Variants in MAML3 observed in about 807,000 individuals in gnomAD.
The protein encoded by MAML3 is mastermind-like protein 3.
Under a neutral mutation model 101.9 loss-of-function variants are expected in MAML3, and 27 were observed. That is an observed-to-expected ratio of 0.27 (90% CI 0.20 to 0.37). MAML3 has a LOEUF of 0.37. Among genes scored for constraint, MAML3 ranks in the 10% least tolerant of loss-of-function variants. The pLI, the probability that MAML3 is intolerant of heterozygous loss-of-function variation, is 1.00. For missense variants in MAML3, 1,316 were observed against 1,444.9 expected (o/e 0.91, Z 1.45); for synonymous variants, 501 against 555.9 (o/e 0.90, Z 1.39).
intron 2 of MAML3, among the ~76,000 whole-genome samples, chr4:139,816,348 T>C (rs890798559): frequency 6.6e-6 from 1 of 152,188 alleles, no homozygotes; most frequent in African/African-American, 2.4e-5. Flanking sequence ...CTGAAATCGA[T>C]GAGCAGCAGT....
chr4:139,751,106 G>C (rs992728461), intron 2 of MAML3, among the ~76,000 whole-genome samples: 1 of 152,218 alleles, frequency 6.6e-6, no homozygotes, highest in African/African-American at 2.4e-5. Context: ...GAAAGATGGG[G>C]TGAGTAGTCA....
chr4:139,723,131 T>C (rs1172095817), intron 4 of MAML3, among the ~76,000 whole-genome samples: 2 of 152,238 alleles, frequency 1.3e-5, no homozygotes, highest in Non-Finnish European at 1.5e-5. Flanking sequence ...AATAATTTGC[T>C]TCTGAAGTAT....
chr4:139,999,209 G>A (rs1227076487), intron 1 of MAML3, among the ~76,000 whole-genome samples: 1 of 152,096 alleles, frequency 6.6e-6, no homozygotes, highest in Non-Finnish European at 1.5e-5. Flanking sequence ...GGAAAATAGA[G>A]CCCACTGGCC....
At chr4:139,831,687 A>G (rs1731165274) in intron 2 of MAML3, among the ~76,000 whole-genome samples, 1 of 152,118 alleles carries the variant, frequency 6.6e-6, no homozygotes, top group Admixed American at 6.5e-5. Flanking sequence ...TGAGTACCCA[A>G]AGCCAAGATC....
chr4:140,110,660 A>G (rs1023566656), intron 1 of MAML3, among the ~76,000 whole-genome samples: 2 of 151,820 alleles, frequency 1.3e-5, no homozygotes, highest in South Asian at 2.1e-4. Context: ...TCAAAGTCAC[A>G]TGGACTTGAA....
intron 1 of MAML3, among the ~76,000 whole-genome samples, chr4:139,922,278 C>T (rs996162388): frequency 6.6e-6 from 1 of 152,076 alleles, no homozygotes; most frequent in African/African-American, 2.4e-5. Context: ...TTCTTAACAC[C>T]CTCCACCTTC....
chr4:139,891,832 C>G (rs1382552819), intron 1 of MAML3, among the ~76,000 whole-genome samples: 1 of 152,188 alleles, frequency 6.6e-6, no homozygotes, highest in Non-Finnish European at 1.5e-5. Flanking sequence ...TTTTGATAGG[C>G]TCACTCTTTT....
At chr4:140,151,010 TG>T (rs1414437446) in intron 1 of MAML3, among the ~76,000 whole-genome samples, 1 of 39,296 alleles carries the variant, frequency 2.5e-5, no homozygotes. Context: ...CGCGGGGGCA[TG>T]GGGGGCGCGG....
chr4:139,975,034 T>C (rs1734302322), intron 1 of MAML3, among the ~76,000 whole-genome samples: 1 of 152,076 alleles, frequency 6.6e-6, no homozygotes, highest in Non-Finnish European at 1.5e-5. Context: ...GGGGAAGTGA[T>C]ATGACGACTT....
intron 2 of MAML3, among the ~76,000 whole-genome samples, chr4:139,789,357 T>A (rs1429042426): frequency 1.3e-5 from 2 of 152,084 alleles, no homozygotes; most frequent in Admixed American, 1.3e-4. Flanking sequence ...ACCTAAGAAG[T>A]CTTCACAAAG....
intron 1 of MAML3, among the ~76,000 whole-genome samples, chr4:139,959,908 A>T (rs1234378687): frequency 3.9e-5 from 6 of 152,208 alleles, no homozygotes; most frequent in Non-Finnish European, 8.8e-5. Flanking sequence ...ATAACAATGA[A>T]TTCATTAATT....
intron 1 of MAML3, among the ~76,000 whole-genome samples, chr4:140,137,831 C>G (rs542368633): frequency 1.3e-3 from 196 of 152,288 alleles, no homozygotes; most frequent in Non-Finnish European, 2.4e-3. Flanking sequence ...TTTGACATTC[C>G]AGACCACAGA....
At chr4:139,812,398 C>T (rs149075253) in intron 2 of MAML3, among the ~76,000 whole-genome samples, 2 of 152,286 alleles carry the variant, frequency 1.3e-5, no homozygotes, top group African/African-American at 4.8e-5. Flanking sequence ...TCCCTCATTC[C>T]GTGCATAGTA....
At chr4:139,848,242 T>C (rs973813670) in intron 2 of MAML3, among the ~76,000 whole-genome samples, 1 of 152,224 alleles carries the variant, frequency 6.6e-6, no homozygotes, top group Non-Finnish European at 1.5e-5. Flanking sequence ...TGGATGGATG[T>C]CTGTGTGTGT....
intron 2 of MAML3, among the ~76,000 whole-genome samples, chr4:139,880,583 CA>C (rs1234497810): frequency 6.6e-6 from 1 of 152,112 alleles, no homozygotes; most frequent in African/African-American, 2.4e-5. Context: ...GTTATAATCA[CA>C]AAATCTTCTT....
intron 1 of MAML3, among the ~76,000 whole-genome samples, chr4:139,994,957 C>A (rs1734775520): frequency 6.6e-6 from 1 of 152,154 alleles, no homozygotes; most frequent in Admixed American, 6.5e-5. Context: ...ACACCCTTTA[C>A]TTTTTCCCTG....
chr4:140,139,997 T>G (rs1306762979), intron 1 of MAML3, among the ~76,000 whole-genome samples: 1 of 152,194 alleles, frequency 6.6e-6, no homozygotes, highest in Non-Finnish European at 1.5e-5. Context: ...GGTTGAAATT[T>G]TATTGCATGA....
rs372886814 is a variant in MAML3, at chr4:140,017,238, G to A, written c.469-126271C>T. On this transcript the variant is annotated intron_variant, in intron 1 of 4. Transcript: ENST00000509479. ...TAGCCACCAGGGAAATGCAAATTAAGGCCGCAATGAGACATCACTATACAC... is the reference window on the plus strand; with the variant it reads ...TAGCCACCAGGGAAATGCAAATTAAAGCCGCAATGAGACATCACTATACAC... Among the ~76,000 whole-genome samples, 14 of 152,174 alleles carry A rather than the reference G, an allele frequency of 9.2e-5. No individual in the cohort carries two copies. In the East Asian group the frequency reaches 1.7e-3, roughly 19 times the overall value.
At chr4:139,808,950 G>A (rs1357231547) in intron 2 of MAML3, among the ~76,000 whole-genome samples, 1 of 152,186 alleles carries the variant, frequency 6.6e-6, no homozygotes, top group African/African-American at 2.4e-5. Flanking sequence ...GTGCATGTGT[G>A]TGTGTGTTTA....
Sources: allele counts gnomAD v4.1 joint callset (sites outside exome capture counted in the v4.1 genomes callset), GRCh38; gene constraint gnomAD v4.1.1; transcripts MANE v1.5; gene names NCBI Gene and HGNC (gene_info 2026-07-23, HGNC 2026-07-21).